Variants in FBXL17 observed in about 807,000 individuals in gnomAD.
The protein encoded by FBXL17 is F-box/LRR-repeat protein 17.
FBXL17 carries 22 observed loss-of-function variants against 66.2 expected under a neutral mutation model. That is an observed-to-expected ratio of 0.33 (90% CI 0.24 to 0.47). FBXL17 has a LOEUF of 0.47. FBXL17 is among the 20% of genes least tolerant of loss of function. The pLI, the probability that FBXL17 is intolerant of heterozygous loss-of-function variation, is 1.00. For synonymous variants in FBXL17, 474 were observed against 400.5 expected, an observed-to-expected ratio of 1.18 and a Z score of -2.19; for missense variants, 878 against 948.2, an observed-to-expected ratio of 0.93 and a Z score of 0.97.
At chr5:108,379,421 AT>A (rs767569866) in intron 1 of FBXL17, among the ~76,000 whole-genome samples, 4 of 152,236 alleles carry the variant, frequency 2.6e-5, no homozygotes, top group Non-Finnish European at 5.9e-5. Flanking sequence ...GTAGACCTCC[AT>A]AAGAATTAGA....
At chr5:108,361,980 T>C (rs1283862037) in intron 3 of FBXL17, among the ~76,000 whole-genome samples, 1 of 152,170 alleles carries the variant, frequency 6.6e-6, no homozygotes, top group Non-Finnish European at 1.5e-5. Flanking sequence ...CCACAAAGCA[T>C]TCTTTCCACC....
chr5:108,001,526 A>C (rs183946653), intron 7 of FBXL17, among the ~76,000 whole-genome samples: 175 of 152,202 alleles, frequency 1.1e-3, no homozygotes, highest in African/African-American at 3.6e-3. Flanking sequence ...TTTGAGACAG[A>C]GTCGCACTCC....
intron 4 of FBXL17, among the ~76,000 whole-genome samples, chr5:108,265,781 T>C (rs529601652): frequency 2.0e-5 from 3 of 152,310 alleles, no homozygotes; most frequent in East Asian, 3.9e-4. Context: ...AAGCAAACTA[T>C]AGCTTGTTAA....
intron 6 of FBXL17, among the ~76,000 whole-genome samples, chr5:108,034,383 C>T (rs1746759915): frequency 6.6e-6 from 1 of 152,188 alleles, no homozygotes; most frequent in Admixed American, 6.6e-5. Context: ...AAAAGGTACA[C>T]TGCTTATCCT....
chr5:108,140,274 G>A (rs1185666133), intron 6 of FBXL17, among the ~76,000 whole-genome samples: 1 of 152,144 alleles, frequency 6.6e-6, no homozygotes, highest in African/African-American at 2.4e-5. Context: ...TCCAACTCCT[G>A]GGGTCAAGTG....
chr5:107,938,767 A>G (rs1027821367), intron 7 of FBXL17, among the ~76,000 whole-genome samples: 9 of 152,154 alleles, frequency 5.9e-5, no homozygotes, highest in African/African-American at 2.2e-4. Context: ...ATCTTCTAGA[A>G]AACAGCCAGA....
intron 4 of FBXL17, among the ~76,000 whole-genome samples, chr5:108,304,080 A>C (rs535629580): frequency 6.6e-6 from 1 of 152,030 alleles, no homozygotes; most frequent in Non-Finnish European, 1.5e-5. Flanking sequence ...GCCCAAAGAC[A>C]TGTGTCTCCA....
At chr5:108,259,404 A>G (rs778506117) in intron 4 of FBXL17, among the ~76,000 whole-genome samples, 2 of 152,218 alleles carry the variant, frequency 1.3e-5, no homozygotes, top group Non-Finnish European at 2.9e-5. Context: ...TGTTTTAAAA[A>G]CATAATGTAT....
intron 6 of FBXL17, among the ~76,000 whole-genome samples, chr5:108,078,986 C>A (rs1472370468): frequency 6.6e-6 from 1 of 152,054 alleles, no homozygotes; most frequent in East Asian, 1.9e-4. Context: ...CTCACTACAG[C>A]CTTAATCTTC....
rs911766310 is a variant in FBXL17, at chr5:107,943,506, C to T, written c.1823-62327G>A. Among the ~76,000 whole-genome samples the T allele has an allele frequency of 5.1e-4, 78 of 151,714 alleles. 1 individual carries two copies. Among genetic ancestry groups the T allele is most frequent in the Non-Finnish European group, 2.4e-4 (16 of 67,974 alleles). ...CAACATTTTTCTCATTCATCCCTTT[C>T]TCTCTACCCCAACTTTCATAGTCTT... On this transcript the variant is annotated intron_variant, in intron 7 of 8. Coordinates refer to ENST00000542267, the MANE Select transcript of FBXL17 (RefSeq NM_001163315.3).
chr5:107,881,915 C>T lies in FBXL17; in HGVS notation c.1823-736G>A, dbSNP rs138032949. The stretch of plus-strand genomic sequence containing the variant: ...TTAGCATTGTACCACCACTAAAGTG[C>T]AGACACTTATCCCATAATCTATGAT... On this transcript the variant is annotated intron_variant, in intron 7 of 8. Coordinates refer to ENST00000542267, the MANE Select transcript of FBXL17 (RefSeq NM_001163315.3). Among the ~76,000 whole-genome samples, 219 of 152,304 alleles carry T rather than the reference C, an allele frequency of 1.4e-3. 1 individual carries two copies. The highest frequency in any genetic ancestry group is 5.0e-3 in the African/African-American group (206 of 41,568).
At chr5:107,966,996 G>A (rs1752168659) in intron 7 of FBXL17, among the ~76,000 whole-genome samples, 1 of 151,930 alleles carries the variant, frequency 6.6e-6, no homozygotes. Context: ...TTTTAAAGAT[G>A]GGACAACTCT....
At chr5:108,262,921 G>A (rs1756898044) in intron 4 of FBXL17, among the ~76,000 whole-genome samples, 1 of 152,122 alleles carries the variant, frequency 6.6e-6, no homozygotes, top group Non-Finnish European at 1.5e-5. Context: ...ACAGTGAAGG[G>A]AACTTCCTTA....
intron 1 of FBXL17, among the ~76,000 whole-genome samples, chr5:108,371,428 C>G (rs1749031686): frequency 6.6e-6 from 1 of 152,150 alleles, no homozygotes; most frequent in Admixed American, 6.5e-5. Context: ...TTTATTGGCA[C>G]ACAAAACATA....
Position 108,048,684 on chromosome 5 carries a change from A to C in FBXL17, c.1746-27683T>G, listed in dbSNP as rs148965845. Among the ~76,000 whole-genome samples the C allele has an allele frequency of 5.6e-3, 847 of 152,294 alleles. 7 individuals carry two copies. Among genetic ancestry groups the C allele is most frequent in the African/African-American group, 0.02 (813 of 41,572 alleles). On this transcript the variant is annotated intron_variant, in intron 6 of 8. Coordinates refer to ENST00000542267, the MANE Select transcript of FBXL17 (RefSeq NM_001163315.3). Reference sequence around the variant, plus strand: ...ATACACAAGTATCAATAGCTGAATCAACCAAGTGGAAGAAAGAATATCAGA... The same window carrying C: ...ATACACAAGTATCAATAGCTGAATCCACCAAGTGGAAGAAAGAATATCAGA...
chr5:108,246,926 ATTT>A (rs1347488350), intron 4 of FBXL17, among the ~76,000 whole-genome samples: 1 of 152,218 alleles, frequency 6.6e-6, no homozygotes. Flanking sequence ...ATATTAGGTA[ATTT>A]GTACTTACCT....
At chr5:108,352,735 T>G (rs933949515) in intron 3 of FBXL17, among the ~76,000 whole-genome samples, 3 of 152,152 alleles carry the variant, frequency 2.0e-5, no homozygotes, top group African/African-American at 7.2e-5. Context: ...GGTCTCGAAC[T>G]CCTGACCTCA....
intron 6 of FBXL17, among the ~76,000 whole-genome samples, chr5:108,142,461 C>T (rs1365893391): frequency 6.6e-6 from 1 of 152,134 alleles, no homozygotes; most frequent in Non-Finnish European, 1.5e-5. Context: ...CTAGATGCTC[C>T]TTACTATTTA....
chr5:107,940,384 AAAC>A (rs757451313), intron 7 of FBXL17, among the ~76,000 whole-genome samples: 7 of 152,308 alleles, frequency 4.6e-5, no homozygotes, highest in Middle Eastern at 3.4e-3. Context: ...ACACATGGAC[AAAC>A]AACAACAGTG....
Sources: gnomAD v4.1 joint callset for allele counts (sites outside exome capture counted in the v4.1 genomes callset) on GRCh38, gnomAD v4.1.1 for gene constraint, MANE v1.5 for transcripts, NCBI Gene and HGNC (gene_info 2026-07-23, HGNC 2026-07-21) for gene names.